Variants in SRCIN1 observed in about 807,000 individuals in gnomAD.
SRCIN1 encodes the protein SRC kinase signaling inhibitor 1, also known as P130Cas-associated protein.
SRCIN1 carries 50 observed loss-of-function variants against 116.2 expected under a neutral mutation model. The observed-to-expected ratio is 0.43, with a 90% CI of 0.34 to 0.54. The LOEUF (loss-of-function observed/expected upper bound fraction) is 0.54, where lower values mean the gene tolerates loss of function less well. Among genes scored for constraint, SRCIN1 ranks in the 20% least tolerant of loss-of-function variants. SRCIN1 has a pLI of 0.02. For synonymous variants in SRCIN1, 736 were observed against 750.0 expected (o/e 0.98, Z 0.30); for missense variants, 1,446 against 1,672.0 (o/e 0.86, Z 2.36).
intron 15 of SRCIN1, 126 bp from the exon 16 acceptor site, chr17:38,549,336 G>A (rs758191130): frequency 4.2e-6 from 4 of 956,108 alleles, no homozygotes; most frequent in Non-Finnish European, 5.8e-6. Flanking sequence ...TGAGAGGAAA[G>A]CCTGGGGGCA....
chr17:38,551,983 G>T lies in SRCIN1; in HGVS notation c.2630C>A (p.Pro877Gln). 1 of 1,614,018 alleles carries T rather than the reference G, an allele frequency of 6.2e-7. No homozygotes were observed. The highest frequency in any genetic ancestry group is 8.5e-7 in the Non-Finnish European group (1 of 1,179,900). The change falls in exon 14 of 19, where the codon CCA becomes CAA. Residue 877 changes from proline to glutamine, a missense_variant. Physicochemically the swap from Pro to Gln is moderately conservative, Grantham distance 76. Around this residue, in one of 5 missense-constraint regions of SRCIN1, gnomAD observed 531 missense variants for 633.9 expected, o/e 0.84. Coordinates refer to ENST00000617146, the MANE Select transcript of SRCIN1 (RefSeq NM_025248.3). ...PPLNLHELSG[P>Q]AEGASLTPKG... ...GGGGGTAAGAGAGGCTCCTTCAGCTGGCCCGCTCAGCTCATGCAGGTTCAG... is the reference window on the plus strand; with the variant it reads ...GGGGGTAAGAGAGGCTCCTTCAGCTTGCCCGCTCAGCTCATGCAGGTTCAG...
Position 38,563,482 on chromosome 17 carries a change from A to G in SRCIN1, c.581T>C (p.Val194Ala), listed in dbSNP as rs1906429470. 2.6e-6 allele frequency: 4 copies of G among 1,554,420 alleles called. No individual in the cohort carries two copies. The highest frequency in any genetic ancestry group is 2.4e-5 in the East Asian group (1 of 41,136). ...FLQFGEETRR[V>A]HITHEVSSLD... ...GCTGCTGACCTCGTGCGTGATGTGC[A>G]CGCGCCGAGTCTCCTCCCCGAACTG... Residue 194 changes from valine to alanine, a missense_variant, in exon 5 of 19, where the codon GTG becomes GCG. This residue lies in a region of SRCIN1 where 32 missense variants were observed against 69.7 expected (regional missense o/e 0.46). Coordinates refer to ENST00000617146, the MANE Select transcript of SRCIN1 (RefSeq NM_025248.3). The surrounding 1 kb of genome is among the most constrained non-coding windows in gnomAD (Gnocchi z 5.8).
chr17:38,570,125 C>T (rs1462126328), intron 2 of SRCIN1, among the ~76,000 whole-genome samples: 1 of 152,136 alleles, frequency 6.6e-6, no homozygotes, highest in Non-Finnish European at 1.5e-5. Flanking sequence ...ATAAGGACAT[C>T]TCCACAGACA....
chr17:38,550,544 A>G (rs932716984), intron 15 of SRCIN1, among the ~76,000 whole-genome samples: 7 of 152,198 alleles, frequency 4.6e-5, no homozygotes, highest in African/African-American at 1.7e-4. Context: ...GGATGACTAC[A>G]GTAAAAGCAA....
chr17:38,563,805 G>T lies in SRCIN1; in HGVS notation c.542-284C>A. The T allele has an allele frequency of 3.1e-6, 2 of 645,344 alleles. No homozygotes were observed. The highest frequency in any genetic ancestry group is 5.4e-5 in the Admixed American group (2 of 37,194). 40.0% of individuals were successfully genotyped at this position (645,344 alleles called of 1,614,324 possible). A position where few individuals can be genotyped will look rare whatever the true frequency, so the allele number is the denominator to read the frequency against. ...GAGCAGGTGGGGCGGAAACTGAGGG[G>T]AAGTGAGCTGAGGGAGAGAGAGGTT... On this transcript the variant is annotated intron_variant, in intron 4 of 18. Coordinates refer to ENST00000617146, the MANE Select transcript of SRCIN1 (RefSeq NM_025248.3). This position sits in a 1 kb window ranked among gnomAD's most constrained non-coding sequence, Gnocchi z 5.8.
chr17:38,558,644 G>A lies in SRCIN1; in HGVS notation c.2026-242C>T, dbSNP rs929255218. 2.6e-5 allele frequency among the ~76,000 whole-genome samples: 4 copies of A among 152,186 alleles called. No individual in the cohort carries two copies. Among genetic ancestry groups the A allele is most frequent in the Non-Finnish European group, 4.4e-5 (3 of 68,034 alleles). ...GGAAGAACAGAGGCAGGAGGAGAAC[G>A]GATGGGGATCGTGGAGAGGGGAGCG... On this transcript the variant is annotated intron_variant, in intron 10 of 18. Coordinates refer to ENST00000617146, the MANE Select transcript of SRCIN1 (RefSeq NM_025248.3). The surrounding 1 kb of genome is among the most constrained non-coding windows in gnomAD (Gnocchi z 4.6).
intron 3 of SRCIN1, among the ~76,000 whole-genome samples, chr17:38,566,898 C>CTTCCTTCCTTCCT (rs1181490049): frequency 7.6e-6 from 1 of 131,588 alleles, no homozygotes; most frequent in Non-Finnish European, 1.7e-5. Context: ...TCCTTCCTTC[C>CTTCCTTCCTTCCT]TTCTTTCCTT....
At chr17:38,598,999 GTA>G (rs1908872471) in intron 1 of SRCIN1, among the ~76,000 whole-genome samples, 2 of 152,102 alleles carry the variant, frequency 1.3e-5, no homozygotes, top group Admixed American at 1.3e-4. Context: ...GTGTGTGTGT[GTA>G]TGTGTGTGTG....
At chr17:38,579,358 G>C (rs1377380156) in intron 1 of SRCIN1, among the ~76,000 whole-genome samples, 1 of 152,206 alleles carries the variant, frequency 6.6e-6, no homozygotes, top group Non-Finnish European at 1.5e-5. Flanking sequence ...AGGGCAGGAA[G>C]ACATGGGGAG....
At chr17:38,593,325 A>T (rs917840796) in intron 1 of SRCIN1, among the ~76,000 whole-genome samples, 2 of 152,086 alleles carry the variant, frequency 1.3e-5, no homozygotes, top group African/African-American at 4.8e-5. Flanking sequence ...GTTGGGGAGG[A>T]AGGTGATGAA....
chr17:38,536,892 C>G (rs899262347), intron 18 of SRCIN1, among the ~76,000 whole-genome samples: 5 of 152,222 alleles, frequency 3.3e-5, no homozygotes, highest in Non-Finnish European at 7.3e-5. Flanking sequence ...CTTCTAAAAA[C>G]AGCTGTGTGA....
At chr17:38,596,175 G>A (rs1211360144) in intron 1 of SRCIN1, among the ~76,000 whole-genome samples, 2 of 152,232 alleles carry the variant, frequency 1.3e-5, no homozygotes, top group Admixed American at 1.3e-4. Flanking sequence ...TGAATGCCCA[G>A]AAAGGCCCGG....
chr17:38,540,940 T>C (rs1398402633), intron 18 of SRCIN1, among the ~76,000 whole-genome samples: 3 of 152,150 alleles, frequency 2.0e-5, no homozygotes, highest in Non-Finnish European at 2.9e-5. Context: ...ACTTTACTGT[T>C]GAAAATTTCC....
chr17:38,548,655 C>T lies in SRCIN1; in HGVS notation c.3172G>A (p.Ala1058Thr), dbSNP rs866124215. 3.1e-6 allele frequency: 5 copies of T among 1,612,296 alleles called. No individual in the cohort carries two copies. The highest frequency in any genetic ancestry group is 4.2e-6 in the Non-Finnish European group (5 of 1,179,530). ...VQKPQVKLRR[A>T]VSEVARPAST... ...GCTGGGCGGGCCACCTCAGACACAGCCCGGCGCAGCTTCACCTGGGGCTTC... is the reference window on the plus strand; with the variant it reads ...GCTGGGCGGGCCACCTCAGACACAGTCCGGCGCAGCTTCACCTGGGGCTTC... Residue 1058 changes from alanine to threonine, a missense_variant, in exon 17 of 19, where the codon GCT (alanine) becomes ACT (threonine). By Grantham distance (58) the Ala-to-Thr change is moderately conservative. Coordinates refer to ENST00000617146, the MANE Select transcript of SRCIN1 (RefSeq NM_025248.3).
intron 3 of SRCIN1, among the ~76,000 whole-genome samples, chr17:38,564,668 A>C (rs1190438962): frequency 6.7e-6 from 1 of 149,610 alleles, no homozygotes; most frequent in Non-Finnish European, 1.5e-5. Context: ...ATCGTTGAGC[A>C]AATTGGGGCA....
intron 7 of SRCIN1, among the ~76,000 whole-genome samples, chr17:38,560,694 C>A (rs1906177907): frequency 6.6e-6 from 1 of 152,194 alleles, no homozygotes; most frequent in Non-Finnish European, 1.5e-5. Flanking sequence ...GACCCCTCCC[C>A]CAAACCATTC....
chr17:38,540,657 G>A, intron 18 of SRCIN1, among the ~76,000 whole-genome samples: 1 of 152,194 alleles, frequency 6.6e-6, no homozygotes, highest in East Asian at 1.9e-4. Context: ...AGCTGAGGCT[G>A]CTGTGAAGGG....
In SRCIN1 at chr17:38,562,479, C is replaced by A. The variant is rs1296090646; in HGVS notation, c.835-151G>T. ...ATCCTGCTGCGTCTAGGGTCCCTTT[C>A]CCATCAGGGTTCCTAGCATGGAGGA... On this transcript the variant is annotated intron_variant, in intron 6 of 18. Coordinates refer to ENST00000617146, the MANE Select transcript of SRCIN1 (RefSeq NM_025248.3). This position sits in a 1 kb window ranked among gnomAD's most constrained non-coding sequence, Gnocchi z 4.2. Among the ~76,000 whole-genome samples, 1 of 152,238 alleles carries A rather than the reference C, an allele frequency of 6.6e-6. No homozygotes were observed. The highest frequency in any genetic ancestry group is 1.5e-5 in the Non-Finnish European group (1 of 68,038).
At chr17:38,605,389 G>A (rs1909301898) in intron 1 of SRCIN1, among the ~76,000 whole-genome samples, 1 of 143,218 alleles carries the variant, frequency 7.0e-6, no homozygotes, top group East Asian at 2.1e-4. Flanking sequence ...AACCCCTCTG[G>A]CCCCCACCCC....
Sources: allele counts gnomAD v4.1 joint callset (sites outside exome capture counted in the v4.1 genomes callset), GRCh38; gene constraint gnomAD v4.1.1; regional missense constraint gnomAD v4.1.1; non-coding constraint Gnocchi (gnomAD v3.1); transcripts MANE v1.5; gene names NCBI Gene and HGNC (gene_info 2026-07-23, HGNC 2026-07-21).